The following MED29 variants were observed in gnomAD, a reference collection of about 807,000 sequenced individuals.
MED29 encodes the protein mediator of RNA polymerase II transcription subunit 29.
A neutral mutation model predicts 22.0 loss-of-function variants in MED29; 14 were observed. The ratio of observed to expected loss-of-function variants is 0.64; its 90% CI spans 0.42 to 0.99. MED29 has a LOEUF of 0.99. MED29 is among the 50% of genes least tolerant of loss of function. MED29 has a pLI of 0.00. For synonymous variants in MED29, 123 were observed against 107.8 expected (o/e 1.14, Z -0.87); for missense variants, 241 against 253.7 (o/e 0.95, Z 0.34).
rs1416054284 is a variant in MED29, at chr19:39,400,453, T to C, written c.*2754T>C. 6.6e-6 allele frequency: 1 copy of C among 152,196 alleles called. No homozygotes were observed. Among genetic ancestry groups the C allele is most frequent in the African/African-American group, 2.4e-5 (1 of 41,452 alleles). 9.4% of individuals were successfully genotyped at this position (152,196 alleles called of 1,614,324 possible). On this transcript the variant is annotated 3_prime_UTR_variant, in exon 4 of 4. Coordinates refer to ENST00000315588, the MANE Select transcript of MED29 (RefSeq NM_017592.4). The stretch of plus-strand genomic sequence containing the variant: ...TGTAATTAAGTTGAAGATCAAAAAA[T>C]GGAAATGTATAATTAAATCATACTT...
intron 3 of MED29, among the ~76,000 whole-genome samples, chr19:39,395,863 G>A (rs2078425511): frequency 1.3e-5 from 2 of 151,830 alleles, no homozygotes; most frequent in African/African-American, 4.8e-5. Context: ...CTTGCAGTGA[G>A]CCGAGATCGC....
At chr19:39,393,346 T>C (rs745357664) in intron 2 of MED29, among the ~76,000 whole-genome samples, 2 of 152,042 alleles carry the variant, frequency 1.3e-5, no homozygotes, top group Non-Finnish European at 2.9e-5. Flanking sequence ...TCTGCTCGCC[T>C]CGGACTCCCA....
intron 3 of MED29, among the ~76,000 whole-genome samples, chr19:39,394,695 C>T (rs1241220105): frequency 2.7e-5 from 4 of 149,566 alleles, no homozygotes; most frequent in African/African-American, 9.9e-5. Context: ...TCCTGAGTAG[C>T]TGGGACTACA....
chr19:39,392,546 G>T (rs1416039946), intron 2 of MED29, 24 bp downstream of exon 2: 3 of 1,606,742 alleles, frequency 1.9e-6, no homozygotes, highest in East Asian at 4.5e-5. Flanking sequence ...CCTTTACCAG[G>T]ATATTCTATT....
chr19:39,391,403 C>G lies in MED29; in HGVS notation c.-20C>G. On this transcript the variant is annotated 5_prime_UTR_variant, in exon 1 of 4. Transcript: ENST00000315588. Reference sequence around the variant, plus strand: ...GAGAGACGCAGTCGTAACGCACTTCCGGCGGTCTACGCGAGGAAGATGGCT... The same window carrying G: ...GAGAGACGCAGTCGTAACGCACTTCGGGCGGTCTACGCGAGGAAGATGGCT... 6.2e-7 allele frequency: 1 copy of G among 1,607,692 alleles called. No individual in the cohort carries two copies. The highest frequency in any genetic ancestry group is 2.2e-5 in the East Asian group (1 of 44,688).
chr19:39,394,596 A>C (rs2078418305), intron 3 of MED29, among the ~76,000 whole-genome samples: 2 of 110,162 alleles, frequency 1.8e-5, no homozygotes, highest in East Asian at 2.7e-4. Context: ...ACAGAGTCTC[A>C]CTCTGTCGCC....
Position 39,392,562 on chromosome 19 carries a change from C to A in MED29, c.275+40C>A, listed in dbSNP as rs769714347. 1.9e-5 allele frequency: 29 copies of A among 1,566,744 alleles called. No individual in the cohort carries two copies. The Admixed American group carries it at 2.0e-4, about 11-fold the overall frequency. On this transcript the variant is annotated intron_variant, in intron 2 of 3. Coordinates refer to ENST00000315588, the MANE Select transcript of MED29 (RefSeq NM_017592.4). ...CTTTACCAGGATATTCTATTGCCTT[C>A]CCAGTCTTTGAAATTCATCTTTCCT...
chr19:39,392,405 C>T, intron 1 of MED29, 59 bp from the exon 2 acceptor site: 2 of 1,332,770 alleles, frequency 1.5e-6, no homozygotes, highest in Middle Eastern at 3.7e-4. Context: ...TGTAGATCTG[C>T]CAGAGGTATT....
chr19:39,396,340 CAA>C (rs1352600777), intron 3 of MED29, among the ~76,000 whole-genome samples: 3 of 149,808 alleles, frequency 2.0e-5, no homozygotes, highest in African/African-American at 7.4e-5. Flanking sequence ...TTGGATGAGA[CAA>C]GAGAATCTCT....
chr19:39,398,802 C>T lies in MED29; in HGVS notation c.*1103C>T, dbSNP rs572963382. 2.6e-5 allele frequency: 4 copies of T among 152,322 alleles called. No homozygotes were observed. The highest frequency in any genetic ancestry group is 5.9e-5 in the Non-Finnish European group (4 of 68,122). 9.4% of individuals were successfully genotyped at this position (152,322 alleles called of 1,614,324 possible). On this transcript the variant is annotated 3_prime_UTR_variant, in exon 4 of 4. Coordinates refer to ENST00000315588, the MANE Select transcript of MED29 (RefSeq NM_017592.4). ...GGAGAACTGCCCCACCCAGTATCTT[C>T]TGTGCCATGGTTCCCACATTCGCAC...
At chr19:39,397,340 T>G in intron 3 of MED29, 117 bp from the exon 4 acceptor site, 1 of 1,152,058 alleles carries the variant, frequency 8.7e-7, no homozygotes, top group Non-Finnish European at 1.2e-6. Context: ...GGCCAACCTC[T>G]GACTCTAAGA....
At chr19:39,395,606 C>T (rs972025749) in intron 3 of MED29, among the ~76,000 whole-genome samples, 1 of 152,024 alleles carries the variant, frequency 6.6e-6, no homozygotes, top group African/African-American at 2.4e-5. Context: ...TAGGATGAGG[C>T]CCAGGACTCT....
chr19:39,397,910 G>T lies in MED29; in HGVS notation c.*211G>T. The T allele has an allele frequency of 2.1e-5, 16 of 777,764 alleles. No individual in the cohort carries two copies. The South Asian group carries it at 3.0e-4, about 14-fold the overall frequency. 48.2% of individuals were successfully genotyped at this position (777,764 alleles called of 1,614,324 possible). On this transcript the variant is annotated 3_prime_UTR_variant, in exon 4 of 4. Coordinates refer to ENST00000315588, the MANE Select transcript of MED29 (RefSeq NM_017592.4). The stretch of plus-strand genomic sequence containing the variant: ...TTCCTGCTCCCCCTCCTAGCCTAGG[G>T]TAGACTTTGAACTGTGTGTGTTGAT...
At chr19:39,392,233 G>A (rs982712206) in intron 1 of MED29, among the ~76,000 whole-genome samples, 25 of 152,032 alleles carry the variant, frequency 1.6e-4, no homozygotes, top group Non-Finnish European at 2.5e-4. Context: ...ATAGGTGAGG[G>A]AGGACCCTTA....
At chr19:39,394,147 C>T (rs1223515175) in intron 3 of MED29, among the ~76,000 whole-genome samples, 1 of 152,170 alleles carries the variant, frequency 6.6e-6, no homozygotes. Flanking sequence ...CTGGGTTCCT[C>T]CTTAGGAAAA....
At position 39,393,631 on chromosome 19, in the gene MED29, G is replaced by A. The variant is rs776168537; in HGVS notation, c.354G>A (p.Leu118=). Residue 118 remains leucine, a synonymous_variant, in exon 3 of 4, where the codon CTG becomes CTA. Transcript: ENST00000315588. Reference sequence around the variant, plus strand: ...ATGCACTCTGTGACCAGCTGGAGCTGTGCCTGGTAAGAAGCCTTCTGGACA... The same window carrying A: ...ATGCACTCTGTGACCAGCTGGAGCTATGCCTGGTAAGAAGCCTTCTGGACA... The part of the protein sequence containing the change: ...EFYALCDQLE[L]CLRLAHECLS... 2 of 1,614,026 alleles carry A rather than the reference G, an allele frequency of 1.2e-6. No individual in the cohort carries two copies. Among genetic ancestry groups the A allele is most frequent in the East Asian group, 2.2e-5 (1 of 44,880 alleles).
intron 2 of MED29, 105 bp downstream of exon 2, chr19:39,392,627 T>C (rs918447739): frequency 7.0e-5 from 44 of 631,936 alleles, no homozygotes; most frequent in South Asian, 1.5e-4. Flanking sequence ...ATATTTACTT[T>C]TTTTTTTTTT....
intron 1 of MED29, 125 bp from the exon 2 acceptor site, chr19:39,392,339 G>A (rs2078390975): frequency 5.0e-6 from 4 of 798,802 alleles, no homozygotes; most frequent in Non-Finnish European, 4.2e-6. Flanking sequence ...TGGAAAGTCA[G>A]GAGGGAAGGT....
intron 3 of MED29, among the ~76,000 whole-genome samples, chr19:39,397,235 G>A (rs1488129203): frequency 6.6e-6 from 1 of 152,204 alleles, no homozygotes; most frequent in East Asian, 1.9e-4. Flanking sequence ...GAGGTAGGAA[G>A]AGGTGGTTAT....
Sources: allele counts gnomAD v4.1 joint callset (sites outside exome capture counted in the v4.1 genomes callset), GRCh38; gene constraint gnomAD v4.1.1; transcripts MANE v1.5; gene names NCBI Gene and HGNC (gene_info 2026-07-23, HGNC 2026-07-21).